Variants in KIAA0513 observed in about 807,000 individuals in gnomAD.
KIAA0513 encodes the protein uncharacterized protein KIAA0513.
Under a neutral mutation model 56.5 loss-of-function variants are expected in KIAA0513, and 39 were observed. That is an observed-to-expected ratio of 0.69 (90% CI 0.53 to 0.90). KIAA0513 has a LOEUF of 0.90. Among genes scored for constraint, KIAA0513 ranks in the 40% least tolerant of loss-of-function variants. The pLI is 0.00. For synonymous variants in KIAA0513, 268 were observed against 215.6 expected (o/e 1.24, Z -2.13); for missense variants, 591 against 535.2 (o/e 1.10, Z -1.03).
At chr16:85,042,365 A>G (rs540836887) in intron 1 of KIAA0513, among the ~76,000 whole-genome samples, 145 of 152,070 alleles carry the variant, frequency 9.5e-4, no homozygotes, top group African/African-American at 3.4e-3. Context: ...TCGAGGGAGT[A>G]TTAATCCACC....
At chr16:85,050,681 C>G (rs578109740) in intron 1 of KIAA0513, among the ~76,000 whole-genome samples, 2 of 152,284 alleles carry the variant, frequency 1.3e-5, no homozygotes, top group South Asian at 4.1e-4. Context: ...GGCTGACTCA[C>G]CCCTTGTTTT....
intron 1 of KIAA0513, among the ~76,000 whole-genome samples, chr16:85,049,519 T>C (rs28459643): frequency 0.4 from 60,782 of 151,814 alleles, 13,568 homozygotes; most frequent in African/African-American, 0.61. Flanking sequence ...AATGGTTTAG[T>C]GCCATCCCCC....
chr16:85,030,698 C>T (rs977109468), intron 1 of KIAA0513, among the ~76,000 whole-genome samples: 5 of 150,582 alleles, frequency 3.3e-5, no homozygotes, highest in East Asian at 1.9e-4. Context: ...GAGCCTAGAT[C>T]GCGCCACTGC....
rs146743075 is a variant in KIAA0513 at position 85,043,238 on chromosome 16, A to G, written c.-173+15380A>G. On this transcript the variant is annotated intron_variant, in intron 1 of 12. Coordinates refer to ENST00000683363, the MANE Select transcript of KIAA0513 (RefSeq NM_001388359.1). ...ATTCGATTTACTACCCCCAGCTACA[A>G]CTGAAAGCACGAACCTGGAAAACAA... Among the ~76,000 whole-genome samples, 1,021 of 152,132 alleles carry G rather than the reference A, an allele frequency of 6.7e-3. 4 individuals are homozygous for G. Among genetic ancestry groups the G allele is most frequent in the Non-Finnish European group, 8.8e-3 (599 of 67,992 alleles).
intron 1 of KIAA0513, among the ~76,000 whole-genome samples, chr16:85,038,657 A>G (rs2073065793): frequency 6.7e-6 from 1 of 150,174 alleles, no homozygotes. Flanking sequence ...GCAGTGAGCC[A>G]AGATTGTGCC....
At chr16:85,070,403 G>A (rs2073555541) in intron 2 of KIAA0513, among the ~76,000 whole-genome samples, 1 of 152,158 alleles carries the variant, frequency 6.6e-6, no homozygotes, top group Non-Finnish European at 1.5e-5. Context: ...TATGGGCTGA[G>A]TACGGTGGCT....
At chr16:85,043,020 C>G (rs1162927571) in intron 1 of KIAA0513, among the ~76,000 whole-genome samples, 1 of 152,206 alleles carries the variant, frequency 6.6e-6, no homozygotes. Context: ...TTTTTAACAA[C>G]TACGAGCTTT....
chr16:85,043,955 G>A (rs371225963), intron 1 of KIAA0513, among the ~76,000 whole-genome samples: 2 of 152,246 alleles, frequency 1.3e-5, no homozygotes, highest in East Asian at 3.9e-4. Flanking sequence ...TCTTGAACCC[G>A]GGAAGCGGAG....
At position 85,093,203 on chromosome 16, in the gene KIAA0513, C is replaced by G. The variant is rs996246351; in HGVS notation, c.*4878C>G. The G allele has an allele frequency of 7.3e-6, 1 of 137,186 alleles. No homozygotes were observed. 8.5% of individuals were successfully genotyped at this position (137,186 alleles called of 1,614,324 possible). On this transcript the variant is annotated 3_prime_UTR_variant, in exon 13 of 13. Transcript: ENST00000683363. ...AGCGCGGCGCTGCCTGTAGCTGTGCCTGGGGATGCACGTGGCCACGGGATT... is the reference window on the plus strand; with the variant it reads ...AGCGCGGCGCTGCCTGTAGCTGTGCGTGGGGATGCACGTGGCCACGGGATT...
intron 1 of KIAA0513, among the ~76,000 whole-genome samples, chr16:85,040,653 A>G (rs1340972393): frequency 1.3e-5 from 2 of 152,202 alleles, no homozygotes; most frequent in African/African-American, 2.4e-5. Context: ...CGCAGGCCCC[A>G]TCTTTTCATT....
At position 85,091,638 on chromosome 16, in the gene KIAA0513, T is replaced by G. The variant is rs1399529925; in HGVS notation, c.*3313T>G. 1.3e-5 allele frequency: 2 copies of G among 152,196 alleles called. No homozygotes were observed. Among genetic ancestry groups the G allele is most frequent in the African/African-American group, 4.8e-5 (2 of 41,440 alleles). 9.4% of individuals were successfully genotyped at this position (152,196 alleles called of 1,614,324 possible). A position where few individuals can be genotyped will look rare whatever the true frequency, so the allele number is the denominator to read the frequency against. ...AGACATCACCAAGTCTCGTCTTCTT[T>G]CCTTCCTGTGAGTTGAAACCAAACA... On this transcript the variant is annotated 3_prime_UTR_variant, in exon 13 of 13. Transcript: ENST00000683363.
Position 85,087,054 on chromosome 16 carries a change from T to C in KIAA0513, c.1092-18T>C, listed in dbSNP as rs2073817647. On this transcript the variant is annotated intron_variant, in intron 11 of 12. Transcript: ENST00000683363. ...CCTGGGAGGCCAGCGGGTGACGCTC[T>C]TGGGGTTTCTCCTGCAGCACATTCA... 1 of 1,612,918 alleles carries C rather than the reference T, an allele frequency of 6.2e-7. No individual in the cohort carries two copies.
intron 1 of KIAA0513, among the ~76,000 whole-genome samples, chr16:85,066,572 C>T (rs1188898033): frequency 6.6e-6 from 1 of 152,146 alleles, no homozygotes; most frequent in African/African-American, 2.4e-5. Flanking sequence ...CCCTGGTGAT[C>T]CTCCGTTTCC....
At chr16:85,078,304 A>T in intron 6 of KIAA0513, 111 bp from the exon 7 acceptor site, 1 of 1,121,646 alleles carries the variant, frequency 8.9e-7, no homozygotes, top group South Asian at 1.3e-5. Flanking sequence ...TTTTCAGAGC[A>T]AGCCGTATTA....
intron 6 of KIAA0513, 131 bp from the exon 7 acceptor site, chr16:85,078,284 C>A: frequency 1.1e-6 from 1 of 883,530 alleles, no homozygotes; most frequent in Non-Finnish European, 1.8e-6. Flanking sequence ...GCCTTGATTT[C>A]ATAAAAGGCT....
chr16:85,058,427 G>A (rs1387612972), intron 1 of KIAA0513, among the ~76,000 whole-genome samples: 1 of 152,172 alleles, frequency 6.6e-6, no homozygotes, highest in African/African-American at 2.4e-5. Context: ...GCCGAAGCAG[G>A]TGGATCCCTG....
chr16:85,058,038 T>G (rs1265456474), intron 1 of KIAA0513, among the ~76,000 whole-genome samples: 2 of 152,228 alleles, frequency 1.3e-5, no homozygotes, highest in South Asian at 2.1e-4. Context: ...AGCCAGGCTC[T>G]TATGTTCACA....
At chr16:85,035,381 G>C (rs1380953848) in intron 1 of KIAA0513, among the ~76,000 whole-genome samples, 2 of 152,244 alleles carry the variant, frequency 1.3e-5, no homozygotes, top group South Asian at 2.1e-4. Flanking sequence ...GTCTCCACCT[G>C]GCTCTGTGGG....
In KIAA0513 at chr16:85,078,932, G is replaced by A. The variant is rs140535549; in HGVS notation, c.831G>A (p.Ala277=). The part of the protein sequence containing the change: ...PQEKRPRAVT[A]YSPEDEKKGE... The stretch of plus-strand genomic sequence containing the variant: ...TTCTCTCTCCTCCCACAGTGACCGC[G>A]TACAGCCCCGAGGACGAAAAGAAGG... The change falls in exon 8 of 13, where the codon GCG becomes GCA. Residue 277 remains alanine, a synonymous_variant. Transcript: ENST00000683363. The A allele has an allele frequency of 4.3e-5, 70 of 1,614,144 alleles. No homozygotes were observed. Among genetic ancestry groups the A allele is most frequent in the African/African-American group, 2.7e-4 (20 of 75,040 alleles).
Sources: gnomAD v4.1 joint callset for allele counts (sites outside exome capture counted in the v4.1 genomes callset) on GRCh38, gnomAD v4.1.1 for gene constraint, MANE v1.5 for transcripts, NCBI Gene and HGNC (gene_info 2026-07-23, HGNC 2026-07-21) for gene names.